Variants in C16orf92 observed in about 807,000 individuals in gnomAD.
The protein encoded by C16orf92 is fertilization-influencing membrane protein 1.
In C16orf92, 14 loss-of-function variants were observed where a neutral mutation model predicts 13.7. The observed-to-expected ratio is 1.02, with a 90% CI of 0.67 to 1.60. The LOEUF (loss-of-function observed/expected upper bound fraction) is 1.60. C16orf92 is among the 40% of genes most tolerant of loss of function. The probability of loss-of-function intolerance (pLI) is 0.00; values close to 1 mark genes in which losing one functional copy is unlikely to be tolerated. For synonymous variants in C16orf92, 50 were observed against 57.4 expected (o/e 0.87, Z 0.58); for missense variants, 116 against 139.0 (o/e 0.83, Z 0.83).
intron 1 of C16orf92, 51 bp downstream of exon 1, chr16:30,023,455 A>G: frequency 3.2e-6 from 5 of 1,567,188 alleles, no homozygotes; most frequent in Non-Finnish European, 4.4e-6. Flanking sequence ...CTGGGAGCAT[A>G]AAGTGTGATG....
At chr16:30,026,581 C>T (rs1368135299), downstream of C16orf92, 9 of 1,594,536 alleles carry the variant, frequency 5.6e-6, no homozygotes, top group Admixed American at 1.5e-4. Context: ...CCACCCGCAC[C>T]CCGCCCGCCC....
intron 2 of C16orf92, 44 bp from the exon 3 acceptor site, chr16:30,023,955 A>C: frequency 1.3e-6 from 2 of 1,593,218 alleles, no homozygotes; most frequent in South Asian, 1.1e-5. Flanking sequence ...CAGACCCTTC[A>C]TTGGGCCATC....
At chr16:30,026,719 C>T (rs556384188), downstream of C16orf92, 1 of 1,614,034 alleles carries the variant, frequency 6.2e-7, no homozygotes, top group South Asian at 1.1e-5. Context: ...GGGGCTCTGG[C>T]CGCTCCGTCG....
downstream of C16orf92, chr16:30,025,860 C>G: frequency 6.4e-7 from 1 of 1,554,920 alleles, no homozygotes; most frequent in African/African-American, 1.4e-5. This position sits in a 1 kb window ranked among gnomAD's most constrained non-coding sequence, Gnocchi z 4.1. Context: ...CTGGGGCTCT[C>G]CCTGGGTTCT....
At chr16:30,024,852 A>G, downstream of C16orf92, 1 of 270,314 alleles carries the variant, frequency 3.7e-6, no homozygotes, top group Non-Finnish European at 6.9e-6. Flanking sequence ...GCCTTGGCAG[A>G]GGCGTCTCCC....
At chr16:30,025,604 C>G (rs2071089094), downstream of C16orf92, 3 of 1,474,314 alleles carry the variant, frequency 2.0e-6, no homozygotes, top group Non-Finnish European at 2.8e-6. This position sits in a 1 kb window ranked among gnomAD's most constrained non-coding sequence, Gnocchi z 4.1. Context: ...ACCAGGTGCT[C>G]AAAATGCACG....
At position 30,023,569 on chromosome 16, in the gene C16orf92, G is replaced by A; in HGVS notation, c.65-158G>A. ...CTACCCCCCAACAACCGCGAGCCTT[G>A]TCGTGGTGCACCCAGCTGACCCTGA... On this transcript the variant is annotated intron_variant, in intron 1 of 3. Coordinates refer to ENST00000681219, the MANE Select transcript of C16orf92 (RefSeq NM_001109659.2). 4 of 1,455,234 alleles carry A rather than the reference G, an allele frequency of 2.7e-6. No homozygotes were observed. The South Asian group carries it at 4.9e-5, about 18-fold the overall frequency. 90.1% of individuals were successfully genotyped at this position (1,455,234 alleles called of 1,614,324 possible). A position where few individuals can be genotyped will look rare whatever the true frequency, so the allele number is the denominator to read the frequency against.
chr16:30,024,697 T>C lies in C16orf92; in HGVS notation c.*470T>C, dbSNP rs1017299634. The C allele has an allele frequency of 1.1e-5, 2 of 180,560 alleles. No homozygotes were observed. Among genetic ancestry groups the C allele is most frequent in the Non-Finnish European group, 2.3e-5 (2 of 87,732 alleles). 11.2% of individuals were successfully genotyped at this position (180,560 alleles called of 1,614,324 possible). On this transcript the variant is annotated 3_prime_UTR_variant, in exon 4 of 4. Coordinates refer to ENST00000681219, the MANE Select transcript of C16orf92 (RefSeq NM_001109659.2). ...GGGTAAATAAATAAAATAAATAAGATTCCTCAAGCTGGCCTACCCTGGAGA... is the reference window on the plus strand; with the variant it reads ...GGGTAAATAAATAAAATAAATAAGACTCCTCAAGCTGGCCTACCCTGGAGA...
rs2070969753 is a variant in C16orf92 at position 30,023,997 on chromosome 16, A to G, written c.224-2A>G. On this transcript the variant is annotated splice_acceptor_variant, in intron 2 of 3. Coordinates refer to ENST00000681219, the MANE Select transcript of C16orf92 (RefSeq NM_001109659.2). LOFTEE classifies it high-confidence loss of function. ...GAGTTAAGGGTCCTGTTTGTCTAGCAGGTTCCAGCCCCGGGCTCTTCCATC... is the reference window on the plus strand; with the variant it reads ...GAGTTAAGGGTCCTGTTTGTCTAGCGGGTTCCAGCCCCGGGCTCTTCCATC... 3 of 1,612,494 alleles carry G rather than the reference A, an allele frequency of 1.9e-6. No individual in the cohort carries two copies. The highest frequency in any genetic ancestry group is 2.2e-5 in the East Asian group (1 of 44,882).
In C16orf92 at chr16:30,024,245, C is replaced by G. The variant is rs760169689; in HGVS notation, c.*18C>G. 1 of 1,613,408 alleles carries G rather than the reference C, an allele frequency of 6.2e-7. No homozygotes were observed. The highest frequency in any genetic ancestry group is 1.7e-5 in the Admixed American group (1 of 60,018). On this transcript the variant is annotated 3_prime_UTR_variant, in exon 4 of 4. Transcript: ENST00000681219. ...GGGCCTAAAGAGCCGGACAAGGGCT[C>G]TGGACTCAACCTGAGCACCCACACC...
rs2070962688 is a variant in C16orf92 at position 30,023,893 on chromosome 16, C to T, written c.223+8C>T. The T allele has an allele frequency of 6.2e-7, 1 of 1,608,052 alleles. No individual in the cohort carries two copies. The highest frequency in any genetic ancestry group is 1.1e-5 in the South Asian group (1 of 90,982). On this transcript the variant is annotated splice_region_variant and intron_variant, in intron 2 of 3. Coordinates refer to ENST00000681219, the MANE Select transcript of C16orf92 (RefSeq NM_001109659.2). The stretch of plus-strand genomic sequence containing the variant: ...TCGTGTTCATTAACTCAGGTATGAA[C>T]CAGCTTGAGAAGGGACCTCCCTCCC...
downstream of C16orf92, chr16:30,025,172 G>A (rs1196238574): frequency 3.7e-5 from 53 of 1,432,146 alleles, no homozygotes; most frequent in South Asian, 1.0e-4. The surrounding 1 kb of genome is among the most constrained non-coding windows in gnomAD (Gnocchi z 4.1). Flanking sequence ...GGAGGGTCCC[G>A]GCCCCCGGCC....
intron 3 of C16orf92, 41 bp downstream of exon 3, chr16:30,024,127 C>T (rs1181953396): frequency 6.2e-7 from 1 of 1,608,226 alleles, no homozygotes; most frequent in Non-Finnish European, 8.5e-7. Flanking sequence ...CCACCACCAC[C>T]TTCCTTGGGA....
At chr16:30,025,711 C>T (rs1220190871), downstream of C16orf92, 1 of 1,613,448 alleles carries the variant, frequency 6.2e-7, no homozygotes, top group Non-Finnish European at 8.5e-7. The surrounding 1 kb of genome is among the most constrained non-coding windows in gnomAD (Gnocchi z 4.1). Flanking sequence ...CCTGCACCCT[C>T]CCATGCTCAC....
chr16:30,026,670 T>G, downstream of C16orf92: 1 of 1,613,832 alleles, frequency 6.2e-7, no homozygotes, highest in Admixed American at 1.7e-5. Context: ...GAGGAACTCC[T>G]TGTGCAGGTA....
chr16:30,026,939 G>A, downstream of C16orf92: 1 of 1,062,764 alleles, frequency 9.4e-7, no homozygotes, highest in Non-Finnish European at 1.4e-6. Flanking sequence ...GCCCTGGACA[G>A]GAGCGGAGTC....
In C16orf92 at chr16:30,023,647, G is replaced by T. The variant is rs557412004; in HGVS notation, c.65-80G>T. On this transcript the variant is annotated intron_variant, in intron 1 of 3. Transcript: ENST00000681219. ...GCAATAAGGCTGGGTGGTCTCACAG[G>T]GTCCCAAGTCAGCTTCCGCCTCGAG... is the stretch of plus-strand genomic sequence containing the variant. 5.6e-6 allele frequency: 9 copies of T among 1,612,094 alleles called. No homozygotes were observed. The East Asian group carries it at 1.3e-4, about 24-fold the overall frequency.
rs758482366 is a variant in C16orf92 at position 30,023,398 on chromosome 16, G to C, written c.58G>C (p.Glu20Gln). Residue 20 changes from glutamate (E) to glutamine (Q), a missense_variant, in exon 1 of 4, where the codon GAA (glutamate) becomes CAA (glutamine). Glu to Gln is a conservative substitution (Grantham distance 29). Coordinates refer to ENST00000681219, the MANE Select transcript of C16orf92 (RefSeq NM_001109659.2). ...GTGGCTGGCTGCACTAGGGGCCATA[G>C]AAACTGGTAAGAAGCTGTCTTGGGA... ...WVWLAALGAIETAPRPKRATA... is the reference protein window; with the variant it reads ...WVWLAALGAIQTAPRPKRATA... 4.0e-5 allele frequency: 64 copies of C among 1,611,506 alleles called. No individual in the cohort carries two copies. Among genetic ancestry groups the C allele is most frequent in the Non-Finnish European group, 5.3e-5 (63 of 1,179,172 alleles).
At chr16:30,026,928 A>T, downstream of C16orf92, 1 of 1,160,234 alleles carries the variant, frequency 8.6e-7, no homozygotes, top group Admixed American at 2.0e-5. Context: ...TCAGCACAGC[A>T]GCCCTGGACA....
Sources: gnomAD v4.1 joint callset for allele counts on GRCh38, gnomAD v4.1.1 for gene constraint, Gnocchi (gnomAD v3.1) non-coding constraint, MANE v1.5 for transcripts, NCBI Gene and HGNC (gene_info 2026-07-23, HGNC 2026-07-21) for gene names.